TFRC: variants seen among roughly 807,000 people sequenced by gnomAD.
The protein encoded by TFRC is transferrin receptor.
Under a neutral mutation model 85.8 loss-of-function variants are expected in TFRC, and 35 were observed. That is an observed-to-expected ratio of 0.41 (90% confidence interval 0.31 to 0.54). TFRC has a LOEUF of 0.54. Ranked by LOEUF, TFRC falls within the 20% of genes least tolerant of loss-of-function variation. The pLI, the probability that TFRC is intolerant of heterozygous loss-of-function variation, is 0.31. For synonymous variants in TFRC, 362 were observed against 328.6 expected, an observed-to-expected ratio of 1.10 and a Z score of -1.10; for missense variants, 828 against 921.5, an observed-to-expected ratio of 0.90 and a Z score of 1.31.
At chr3:196,058,477 G>A (rs1031791580) in intron 15 of TFRC, 97 bp downstream of exon 15, 29 of 1,476,960 alleles carry the variant, frequency 2.0e-5, no homozygotes, top group Non-Finnish European at 2.5e-5. Context: ...TTAGGTGTAA[G>A]TAAGTTCAAT....
intron 3 of TFRC, among the ~76,000 whole-genome samples, 183 bp downstream of exon 3, chr3:196,074,976 G>A (rs565756669): frequency 6.7e-6 from 1 of 150,182 alleles, no homozygotes; most frequent in Admixed American, 6.7e-5. Context: ...AACCTGGGAG[G>A]CTGAGGTTGC....
chr3:196,078,537 A>C (rs1467643552), intron 1 of TFRC, among the ~76,000 whole-genome samples: 1 of 151,812 alleles, frequency 6.6e-6, no homozygotes, highest in Non-Finnish European at 1.5e-5. Flanking sequence ...GGCACCTGTA[A>C]TCCCAGCTAC....
chr3:196,069,086 G>A (rs1717977234), intron 7 of TFRC, among the ~76,000 whole-genome samples: 1 of 152,108 alleles, frequency 6.6e-6, no homozygotes. Context: ...AAAGTGTTGG[G>A]ATTACAGGTG....
intron 16 of TFRC, among the ~76,000 whole-genome samples, chr3:196,057,080 A>G (rs1200309283): frequency 1.3e-5 from 2 of 152,182 alleles, no homozygotes; most frequent in Admixed American, 6.5e-5. Flanking sequence ...TTGGCCTCCC[A>G]AAGTGCTGGG....
At chr3:196,055,352 G>A (rs1716691598) in intron 16 of TFRC, 51 bp from the exon 17 acceptor site, 2 of 1,499,146 alleles carry the variant, frequency 1.3e-6, no homozygotes, top group Non-Finnish European at 9.3e-7. Context: ...AAGAGCAAGA[G>A]CCTCACATTC....
In TFRC at chr3:196,064,413, A is replaced by G. The variant is rs778818874; in HGVS notation, c.1214T>C (p.Val405Ala). 19 of 1,600,666 alleles carry G rather than the reference A, an allele frequency of 1.2e-5. No individual in the cohort carries two copies. The highest frequency in any genetic ancestry group is 1.4e-5 in the Non-Finnish European group (16 of 1,176,610). Residue 405 changes from valine to alanine, a missense_variant, in exon 11 of 19, where the codon GTT becomes GCT. Val to Ala is a moderately conservative substitution (Grantham distance 64). Transcript: ENST00000360110. The stretch of plus-strand genomic sequence containing the variant: ...GCCCCATGCATCTCTCTGGGCCCCA[A>G]CTACAACATAGTGATCTTTAAAAAA... Reference protein sequence around the residue: ...GFVEPDHYVVVGAQRDAWGPG... With the variant: ...GFVEPDHYVVAGAQRDAWGPG...
At chr3:196,071,622 T>C in intron 5 of TFRC, 124 bp from the exon 6 acceptor site, 1 of 1,032,058 alleles carries the variant, frequency 9.7e-7, no homozygotes, top group Non-Finnish European at 1.4e-6. Context: ...TAAGCTTGAT[T>C]TTTATTTTAA....
chr3:196,075,294 G>T lies in TFRC; in HGVS notation c.103C>A (p.His35Asn), dbSNP rs1718588661. 1 of 1,613,964 alleles carries T rather than the reference G, an allele frequency of 6.2e-7. No homozygotes were observed. Among genetic ancestry groups the T allele is most frequent in the Non-Finnish European group, 8.5e-7 (1 of 1,180,038 alleles). ...LARQVDGDNS[H>N]VEMKLAVDEE... ...TCTACAGCAAGTTTCATCTCCACAT[G>T]ACTGTTATCGCCATCTACTTGCCGA... The change falls in exon 3 of 19, where the codon CAT (histidine) becomes AAT (asparagine). Residue 35 changes from histidine to asparagine, a missense_variant. By Grantham distance (68) the His-to-Asn change is moderately conservative (BLOSUM62 1). Coordinates refer to ENST00000360110, the MANE Select transcript of TFRC (RefSeq NM_001128148.3).
intron 17 of TFRC, 143 bp from the exon 18 acceptor site, chr3:196,053,701 G>A: frequency 1.1e-6 from 1 of 930,016 alleles, no homozygotes; most frequent in Admixed American, 2.3e-5. Context: ...ACCTTGCACA[G>A]GGGTTCCAAG....
intron 12 of TFRC, 49 bp from the exon 13 acceptor site, chr3:196,062,694 A>G (rs1166737149): frequency 6.4e-7 from 1 of 1,571,216 alleles, no homozygotes; most frequent in Non-Finnish European, 8.7e-7. Flanking sequence ...TTTATTTATC[A>G]CATACAGTAG....
At position 196,068,032 on chromosome 3, in the gene TFRC, A is replaced by G. The variant is rs528365072; in HGVS notation, c.900T>C (p.His300=). 1.2e-4 allele frequency: 199 copies of G among 1,610,758 alleles called. 1 individual carries two copies. The South Asian group carries it at 1.6e-3, about 13-fold the overall frequency. The change falls in exon 8 of 19, where the codon CAT becomes CAC. Residue 300 remains histidine (H), a splice_region_variant and synonymous_variant. Coordinates refer to ENST00000360110, the MANE Select transcript of TFRC (RefSeq NM_001128148.3). ...GTGATTTACTCAAGAAATAACTCAC[A>G]TGTCCAAAGAATGAAAGTTCTGCGT... is the stretch of plus-strand genomic sequence containing the variant. The part of the protein sequence containing the change: ...IVNAELSFFG[H]AHLGTGDPYT...
At position 196,051,774 on chromosome 3, in the gene TFRC, A is replaced by G; in HGVS notation, c.*168T>C. On this transcript the variant is annotated 3_prime_UTR_variant, in exon 19 of 19. Transcript: ENST00000360110. ...TTCACTTTAACTTGAAGTACAGGTT[A>G]TCTACCCTGTATTAAAAGCTGCTGC... The G allele has an allele frequency of 1.4e-6, 1 of 698,692 alleles. No homozygotes were observed. Among genetic ancestry groups the G allele is most frequent in the East Asian group, 2.7e-5 (1 of 37,142 alleles). The allele number at this position is 698,692 out of a possible 1,614,324, so 43.3% of individuals were successfully genotyped here. A position where few individuals can be genotyped will look rare whatever the true frequency, so the allele number is the denominator to read the frequency against.
chr3:196,078,697 T>G (rs1384523851), intron 1 of TFRC, among the ~76,000 whole-genome samples: 3 of 151,758 alleles, frequency 2.0e-5, no homozygotes, highest in Non-Finnish European at 2.9e-5. Context: ...CTCTAAAACC[T>G]ATTACAAAAA....
chr3:196,065,435 G>GGGT lies in TFRC; in HGVS notation c.1198+7_1198+8insACC. 3.1e-6 allele frequency: 2 copies of GGGT among 655,716 alleles called. No individual in the cohort carries two copies. The highest frequency in any genetic ancestry group is 2.1e-5 in the South Asian group (1 of 47,228). 40.6% of individuals were successfully genotyped at this position (655,716 alleles called of 1,614,324 possible). A position where few individuals can be genotyped will look rare whatever the true frequency, so the allele number is the denominator to read the frequency against. On this transcript the variant is annotated splice_region_variant and intron_variant, in intron 10 of 18. Transcript: ENST00000360110. ...AGCGGGGCGGGGGGGGGGGGGGGCG[G>GGGT]TCTTTACCTGGTTCTACAAAGCCTT...
chr3:196,064,961 T>A (rs1717590449), intron 10 of TFRC, among the ~76,000 whole-genome samples: 1 of 152,106 alleles, frequency 6.6e-6, no homozygotes, highest in East Asian at 1.9e-4. Flanking sequence ...TACCTCCCAA[T>A]AAAACTGACA....
chr3:196,073,856 A>G, intron 4 of TFRC, 74 bp downstream of exon 4: 2 of 1,458,728 alleles, frequency 1.4e-6, no homozygotes, highest in Non-Finnish European at 1.9e-6. Flanking sequence ...CAGTGTCACC[A>G]TTATTGTTTC....
rs75670871 is a variant in TFRC, at chr3:196,054,523, G to C, written c.1899+557C>G. On this transcript the variant is annotated intron_variant, in intron 17 of 18. Transcript: ENST00000360110. ...AACTCCTAGTACCATAAAACAATCT[G>C]GAAGCTACTTTAATATTAGTTTTAT... Among the ~76,000 whole-genome samples the C allele has an allele frequency of 1.1e-3, 167 of 152,304 alleles. 1 individual carries two copies. The highest frequency in any genetic ancestry group is 3.2e-3 in the African/African-American group (133 of 41,564).
chr3:196,057,761 A>G (rs1303639817), intron 16 of TFRC, among the ~76,000 whole-genome samples: 3 of 149,152 alleles, frequency 2.0e-5, no homozygotes, highest in Admixed American at 1.3e-4. Flanking sequence ...AGCCTGGGTG[A>G]CAGAGCAAGT....
chr3:196,058,700 A>G, intron 14 of TFRC, 68 bp from the exon 15 acceptor site: 2 of 1,046,450 alleles, frequency 1.9e-6, no homozygotes, highest in South Asian at 1.6e-5. Context: ...AGTCACTAAC[A>G]TGTTACTCTA....
Sources: allele counts gnomAD v4.1 joint callset (sites outside exome capture counted in the v4.1 genomes callset), GRCh38; gene constraint gnomAD v4.1.1; transcripts MANE v1.5; gene names NCBI Gene and HGNC (gene_info 2026-07-23, HGNC 2026-07-21).